Variants in PCDHA10 observed in about 807,000 individuals in gnomAD.
PCDHA10 encodes protocadherin alpha 10.
Under a neutral mutation model 61.2 loss-of-function variants are expected in PCDHA10, and 45 were observed. The observed-to-expected ratio is 0.74, with a 90% confidence interval of 0.58 to 0.94. PCDHA10 has a LOEUF of 0.94. Among genes scored for constraint, PCDHA10 ranks in the 40% least tolerant of loss-of-function variants. PCDHA10 has a pLI of 0.00. For synonymous variants in PCDHA10, 602 were observed against 548.8 expected, an observed-to-expected ratio of 1.10 and a Z score of -1.35; for missense variants, 1,278 against 1,236.2, an observed-to-expected ratio of 1.03 and a Z score of -0.51.
intron 1 of PCDHA10, among the ~76,000 whole-genome samples, chr5:140,946,209 T>C (rs2153672553): frequency 6.6e-6 from 1 of 152,022 alleles, no homozygotes; most frequent in East Asian, 1.9e-4. Flanking sequence ...AGCACACAAA[T>C]GACCAACAGG....
rs183715022 is a variant in PCDHA10 at position 140,950,136 on chromosome 5, A to G, written c.2389-28813A>G. Among the ~76,000 whole-genome samples, 19 of 152,068 alleles carry G rather than the reference A, an allele frequency of 1.2e-4. No individual in the cohort carries two copies. The East Asian group carries it at 3.7e-3, about 29-fold the overall frequency. ...AATACAAAACCCACAAGACACAGTT[A>G]TAATTTTTGTTTAAGCAGTTATTAT... On this transcript the variant is annotated intron_variant, in intron 1 of 3. Transcript: ENST00000307360.
chr5:140,952,615 C>T (rs572552032), intron 1 of PCDHA10, among the ~76,000 whole-genome samples: 1 of 152,288 alleles, frequency 6.6e-6, no homozygotes, highest in East Asian at 1.9e-4. Context: ...TCTCCCTCAT[C>T]TTCCCTCCAC....
intron 3 of PCDHA10, among the ~76,000 whole-genome samples, chr5:140,996,006 C>G (rs962825775): frequency 6.6e-6 from 1 of 152,204 alleles, no homozygotes; most frequent in Non-Finnish European, 1.5e-5. Context: ...GTCGTCAGAA[C>G]TATTACTACT....
At chr5:140,928,034 G>A in intron 1 of PCDHA10, 1 of 1,614,206 alleles carries the variant, frequency 6.2e-7, no homozygotes, top group South Asian at 1.1e-5. Flanking sequence ...GGCATGTCTA[G>A]TGCAGGCCCT....
At chr5:140,890,875 T>G (rs189226344) in intron 1 of PCDHA10, among the ~76,000 whole-genome samples, 106 of 152,318 alleles carry the variant, frequency 7.0e-4, no homozygotes, top group Non-Finnish European at 1.3e-3. Flanking sequence ...CCCTCTGACC[T>G]TTCATCAGGG....
chr5:140,973,411 C>G (rs545745437), intron 1 of PCDHA10, among the ~76,000 whole-genome samples: 2 of 152,326 alleles, frequency 1.3e-5, no homozygotes, highest in East Asian at 3.9e-4. Context: ...TGAGCTTCCA[C>G]TCCAGTTTTT....
At chr5:140,905,622 T>G (rs962403940) in intron 1 of PCDHA10, among the ~76,000 whole-genome samples, 3 of 152,236 alleles carry the variant, frequency 2.0e-5, no homozygotes, top group Non-Finnish European at 4.4e-5. Context: ...AGATTGCTTT[T>G]GACAGTATGG....
intron 1 of PCDHA10, among the ~76,000 whole-genome samples, chr5:140,943,588 T>C (rs1179171934): frequency 1.3e-5 from 2 of 152,176 alleles, no homozygotes; most frequent in Non-Finnish European, 2.9e-5. Context: ...TGAGTGGGGC[T>C]GAATTCTAAA....
chr5:140,958,137 A>G (rs1237826000), intron 1 of PCDHA10, among the ~76,000 whole-genome samples: 2 of 152,112 alleles, frequency 1.3e-5, no homozygotes, highest in Admixed American at 6.6e-5. Flanking sequence ...ATCAGTGTGT[A>G]TATTTATATA....
intron 1 of PCDHA10, among the ~76,000 whole-genome samples, chr5:140,940,306 T>C (rs2092590981): frequency 6.6e-6 from 1 of 152,200 alleles, no homozygotes; most frequent in Non-Finnish European, 1.5e-5. Context: ...TAATTTATTA[T>C]CTTTCTTCCA....
chr5:140,986,385 T>C (rs1554247992), intron 3 of PCDHA10, among the ~76,000 whole-genome samples: 2 of 152,134 alleles, frequency 1.3e-5, no homozygotes, highest in Non-Finnish European at 1.5e-5. Context: ...GGAGGGACAT[T>C]AAAGGGCCAG....
intron 3 of PCDHA10, among the ~76,000 whole-genome samples, chr5:141,008,739 C>A (rs1554261919): frequency 1.3e-5 from 2 of 152,166 alleles, no homozygotes; most frequent in Non-Finnish European, 2.9e-5. Context: ...AGACTGTGAG[C>A]ACACTGAGGG....
intron 1 of PCDHA10, among the ~76,000 whole-genome samples, chr5:140,878,873 T>A (rs1267188729): frequency 1.3e-5 from 2 of 152,248 alleles, no homozygotes; most frequent in African/African-American, 2.4e-5. Flanking sequence ...CATTTCAGCC[T>A]TTCAAGTAGC....
At chr5:140,903,687 T>C (rs1554191081) in intron 1 of PCDHA10, among the ~76,000 whole-genome samples, 1 of 152,228 alleles carries the variant, frequency 6.6e-6, no homozygotes, top group Non-Finnish European at 1.5e-5. Context: ...GTTTGGTAAA[T>C]AGTTTAAAAT....
At chr5:141,004,705 C>T (rs535016776) in intron 3 of PCDHA10, among the ~76,000 whole-genome samples, 5 of 152,154 alleles carry the variant, frequency 3.3e-5, no homozygotes, top group Admixed American at 6.5e-5. Context: ...TTTTAGGTGC[C>T]GAATCAGAGG....
At position 140,857,649 on chromosome 5, in the gene PCDHA10, T is replaced by G; in HGVS notation, c.1601T>G (p.Val534Gly). The G allele has an allele frequency of 6.3e-7, 1 of 1,596,586 alleles. No homozygotes were observed. Among genetic ancestry groups the G allele is most frequent in the Non-Finnish European group, 8.6e-7 (1 of 1,167,722 alleles). Residue 534 changes from valine (V) to glycine (G), a missense_variant, in exon 1 of 4, where the codon GTG becomes GGG. Coordinates refer to ENST00000307360, the MANE Select transcript of PCDHA10 (RefSeq NM_018901.4). ...GAGCTGGAGCTGCTACAGTTCCAGG[T>G]GAGCGCGCGCGATGGGGGCGTGCCG... ...HEELELLQFQVSARDGGVPPL... is the reference protein window; with the variant it reads ...HEELELLQFQGSARDGGVPPL...
intron 1 of PCDHA10, among the ~76,000 whole-genome samples, chr5:140,973,993 G>T (rs1554235720): frequency 6.6e-6 from 1 of 152,122 alleles, no homozygotes. Flanking sequence ...ACTTCACCTG[G>T]ATCAATGTTT....
intron 1 of PCDHA10, chr5:140,862,574 C>G (rs1338632403): frequency 4.1e-6 from 2 of 484,868 alleles, no homozygotes; most frequent in East Asian, 1.1e-4. Context: ...AATGCCCTGG[C>G]GTTCCAGCAG....
chr5:140,876,870 G>A (rs1278762768), intron 1 of PCDHA10: 2 of 1,614,000 alleles, frequency 1.2e-6, no homozygotes, highest in Non-Finnish European at 1.7e-6. Flanking sequence ...TCGTGAAGGA[G>A]AACAACCCGC....
Sources: gnomAD v4.1 joint callset for allele counts (sites outside exome capture counted in the v4.1 genomes callset) on GRCh38, gnomAD v4.1.1 for gene constraint, MANE v1.5 for transcripts, NCBI Gene and HGNC (gene_info 2026-07-23, HGNC 2026-07-21) for gene names.